MYRIP: variants seen among roughly 807,000 people sequenced by gnomAD.
MYRIP encodes the protein myosin VIIA and Rab interacting protein, also known as rab effector MyRIP.
MYRIP carries 49 observed loss-of-function variants against 98.0 expected under a neutral mutation model. The ratio of observed to expected loss-of-function variants is 0.50; its 90% CI spans 0.40 to 0.63. The LOEUF is 0.63. Among genes scored for constraint, MYRIP ranks in the 30% least tolerant of loss-of-function variants. The pLI, the probability that MYRIP is intolerant of heterozygous loss-of-function variation, is 0.00. For missense variants in MYRIP, 1,004 were observed against 1,058.2 expected, an observed-to-expected ratio of 0.95 and a Z score of 0.71; for synonymous variants, 404 against 409.5, an observed-to-expected ratio of 0.99 and a Z score of 0.16.
chr3:40,257,044 G>A (rs9834933), intron 16 of MYRIP, among the ~76,000 whole-genome samples: 2,578 of 152,292 alleles, frequency 0.017, 70 homozygotes, highest in African/African-American at 0.057. Flanking sequence ...AATTACAGTA[G>A]GCCAAGCAAG....
chr3:39,957,833 T>C (rs1481894672), intron 2 of MYRIP, among the ~76,000 whole-genome samples: 1 of 152,196 alleles, frequency 6.6e-6, no homozygotes, highest in Non-Finnish European at 1.5e-5. Flanking sequence ...CAGCAAAGTC[T>C]CAGGATACAA....
intron 2 of MYRIP, among the ~76,000 whole-genome samples, chr3:39,946,366 T>C (rs1944902342): frequency 6.6e-6 from 1 of 152,168 alleles, no homozygotes; most frequent in Admixed American, 6.5e-5. Context: ...TGTATGCATC[T>C]TACATAATTC....
chr3:40,060,389 G>A (rs1387287958), intron 3 of MYRIP, among the ~76,000 whole-genome samples: 1 of 152,008 alleles, frequency 6.6e-6, no homozygotes, highest in African/African-American at 2.4e-5. Flanking sequence ...TTAGTTTGTG[G>A]ACTATGTTTT....
intron 1 of MYRIP, among the ~76,000 whole-genome samples, chr3:39,875,592 T>TG (rs1942964857): frequency 6.6e-6 from 1 of 151,756 alleles, no homozygotes; most frequent in Non-Finnish European, 1.5e-5. Flanking sequence ...CTTCATTTTG[T>TG]TATGTACCCA....
rs568367052 is a variant in MYRIP at position 39,897,199 on chromosome 3, C to A, written c.-30-3588C>A. Among the ~76,000 whole-genome samples the A allele has an allele frequency of 3.3e-5, 5 of 152,316 alleles. No individual in the cohort carries two copies. The South Asian group carries it at 1.0e-3, about 32-fold the overall frequency. On this transcript the variant is annotated intron_variant, in intron 1 of 16. Coordinates refer to ENST00000302541, the MANE Select transcript of MYRIP (RefSeq NM_015460.4). ...TAGATGTTATCAAAGAAAGAGGTTT[C>A]TGCAGACATATATGTTTGAGAAACA...
chr3:39,916,997 ATAAC>A (rs10560889), intron 2 of MYRIP, among the ~76,000 whole-genome samples: 3,143 of 152,234 alleles, frequency 0.021, 91 homozygotes, highest in African/African-American at 0.07. Flanking sequence ...AAAAACCCAA[ATAAC>A]TAACCATTTA....
intron 1 of MYRIP, among the ~76,000 whole-genome samples, chr3:39,871,617 G>T (rs1308475224): frequency 6.6e-6 from 1 of 151,940 alleles, no homozygotes; most frequent in Non-Finnish European, 1.5e-5. Context: ...CTATAAAAGG[G>T]TTCTTGAGAG....
chr3:40,081,768 C>G (rs1948484174), intron 3 of MYRIP, among the ~76,000 whole-genome samples: 1 of 151,940 alleles, frequency 6.6e-6, no homozygotes. Context: ...TGTAGTAGAT[C>G]TCAAAAATGT....
intron 7 of MYRIP, among the ~76,000 whole-genome samples, chr3:40,168,969 C>T (rs1950556120): frequency 6.6e-6 from 1 of 152,222 alleles, no homozygotes; most frequent in African/African-American, 2.4e-5. Context: ...AGACTCACCA[C>T]ACCCAAAGAC....
chr3:40,091,712 T>C (rs1049517520), intron 3 of MYRIP, among the ~76,000 whole-genome samples: 1 of 152,208 alleles, frequency 6.6e-6, no homozygotes, highest in African/African-American at 2.4e-5. Context: ...ACAGGGCATT[T>C]TGCTTGTCAC....
chr3:40,247,804 A>T (rs1226051994), intron 13 of MYRIP, among the ~76,000 whole-genome samples: 1 of 152,222 alleles, frequency 6.6e-6, no homozygotes, highest in African/African-American at 2.4e-5. Context: ...GATTACAGGC[A>T]TGATCCAGCG....
intron 3 of MYRIP, among the ~76,000 whole-genome samples, chr3:40,134,064 C>G (rs573466964): frequency 6.6e-6 from 1 of 152,096 alleles, no homozygotes; most frequent in African/African-American, 2.4e-5. Context: ...GTGCACCCTG[C>G]GTGAGCCGAA....
intron 2 of MYRIP, among the ~76,000 whole-genome samples, chr3:40,015,248 G>A (rs1477900623): frequency 1.3e-5 from 2 of 152,188 alleles, no homozygotes; most frequent in African/African-American, 4.8e-5. Context: ...ATTAGGTTGG[G>A]TCTAAAAAAT....
At chr3:39,991,067 GCAA>G (rs1023443689) in intron 2 of MYRIP, among the ~76,000 whole-genome samples, 57 of 152,308 alleles carry the variant, frequency 3.7e-4, no homozygotes, top group African/African-American at 1.3e-3. Context: ...GTTGATGGGT[GCAA>G]CAAACCACCA....
At chr3:40,046,546 T>C (rs1330914053) in intron 3 of MYRIP, among the ~76,000 whole-genome samples, 1 of 146,964 alleles carries the variant, frequency 6.8e-6, no homozygotes, top group Non-Finnish European at 1.5e-5. Flanking sequence ...TAAAGGGGTT[T>C]CATGGAAAAG....
At chr3:40,147,677 C>A (rs1483411658) in intron 3 of MYRIP, among the ~76,000 whole-genome samples, 1 of 152,136 alleles carries the variant, frequency 6.6e-6, no homozygotes, top group Non-Finnish European at 1.5e-5. Context: ...CATAGTTAGA[C>A]CATATTTTCT....
chr3:39,875,373 C>T (rs1165292557), intron 1 of MYRIP, among the ~76,000 whole-genome samples: 1 of 150,834 alleles, frequency 6.6e-6, no homozygotes, highest in African/African-American at 2.4e-5. Flanking sequence ...TATTTCTTGC[C>T]TTCTGCTAGC....
chr3:40,231,976 A>C (rs1952673265), intron 11 of MYRIP, among the ~76,000 whole-genome samples: 1 of 152,158 alleles, frequency 6.6e-6, no homozygotes, highest in Non-Finnish European at 1.5e-5. Context: ...TTTGAGCCCA[A>C]TTTGTCTCCA....
chr3:39,846,053 T>C (rs1393661007), intron 1 of MYRIP, among the ~76,000 whole-genome samples: 1 of 152,206 alleles, frequency 6.6e-6, no homozygotes, highest in Admixed American at 6.5e-5. Context: ...AATTAAAATA[T>C]ATGCACATTT....
Sources: allele counts gnomAD v4.1 joint callset (sites outside exome capture counted in the v4.1 genomes callset), GRCh38; gene constraint gnomAD v4.1.1; transcripts MANE v1.5; gene names NCBI Gene and HGNC (gene_info 2026-07-23, HGNC 2026-07-21).